The following GLIS3 variants were observed in gnomAD, a reference collection of about 807,000 sequenced individuals.
GLIS3 encodes GLIS family zinc finger 3.
GLIS3 carries 53 observed loss-of-function variants against 78.6 expected under a neutral mutation model. That is an observed-to-expected ratio of 0.67 (90% CI 0.54 to 0.85). GLIS3 has a LOEUF of 0.85. Among genes scored for constraint, GLIS3 ranks in the 40% least tolerant of loss-of-function variants. GLIS3 has a pLI of 0.00. For missense variants in GLIS3, 1,703 were observed against 1,231.1 expected, an observed-to-expected ratio of 1.38 and a Z score of -5.74; for synonymous variants, 684 against 509.9, an observed-to-expected ratio of 1.34 and a Z score of -4.60.
the GLIS3 span, among the ~76,000 whole-genome samples, chr9:4,465,354 C>A: frequency 2.0e-5 from 3 of 152,218 alleles, no homozygotes; most frequent in African/African-American, 7.2e-5. Flanking sequence ...TCGAGACCAG[C>A]CTGGCCAACG....
intron 2 of GLIS3, among the ~76,000 whole-genome samples, chr9:4,250,072 G>C (rs201525794): frequency 6.6e-6 from 1 of 152,086 alleles, no homozygotes; most frequent in South Asian, 2.1e-4. Flanking sequence ...ATATTGGCCC[G>C]AAATTTTCTT....
chr9:4,355,139 AAAAG>A, the GLIS3 span, among the ~76,000 whole-genome samples: 439 of 131,334 alleles, frequency 3.3e-3, no homozygotes, highest in Non-Finnish European at 6.0e-3. Flanking sequence ...CTCGAAAAAA[AAAAG>A]AAAAAGAAAA....
intron 2 of GLIS3, among the ~76,000 whole-genome samples, chr9:4,192,735 A>G (rs929825393): frequency 1.8e-4 from 28 of 152,126 alleles, no homozygotes; most frequent in African/African-American, 6.3e-4. Context: ...ATAGAACGAG[A>G]CATGGTTGTT....
At chr9:4,399,392 G>GA in the GLIS3 span, among the ~76,000 whole-genome samples, 3 of 152,168 alleles carry the variant, frequency 2.0e-5, no homozygotes, top group African/African-American at 7.2e-5. Context: ...TCATTAAACT[G>GA]ATTCTCTTAC....
chr9:4,007,876 C>T (rs1016337983), intron 4 of GLIS3, among the ~76,000 whole-genome samples: 2 of 6,608 alleles, frequency 3.0e-4, no homozygotes, highest in African/African-American at 1.2e-3. Context: ...CATGGCAGGT[C>T]GGGCGGGGGT....
the GLIS3 span, among the ~76,000 whole-genome samples, chr9:4,384,450 G>C: frequency 2.0e-5 from 3 of 151,880 alleles, no homozygotes; most frequent in Admixed American, 6.6e-5. Context: ...ATGGTTGATT[G>C]TTTGCCAATG....
At chr9:3,830,636 C>G (rs1232941320) in intron 9 of GLIS3, among the ~76,000 whole-genome samples, 6 of 152,126 alleles carry the variant, frequency 3.9e-5, no homozygotes, top group Non-Finnish European at 8.8e-5. Flanking sequence ...AGGAAGTACC[C>G]CAGGATTTCT....
intron 4 of GLIS3, among the ~76,000 whole-genome samples, chr9:3,939,595 A>C (rs774501390): frequency 6.6e-6 from 1 of 152,222 alleles, no homozygotes; most frequent in Non-Finnish European, 1.5e-5. Flanking sequence ...AGGCACCTAG[A>C]CTGAAAATGA....
chr9:4,139,789 G>T lies in GLIS3; in HGVS notation c.389-13848C>A, dbSNP rs140601462. Among the ~76,000 whole-genome samples the T allele has an allele frequency of 3.2e-4, 49 of 152,218 alleles. 1 individual carries two copies. The East Asian group carries it at 8.5e-3, about 26-fold the overall frequency. On this transcript the variant is annotated intron_variant, in intron 2 of 10. Transcript: ENST00000381971. Reference sequence around the variant, plus strand: ...TCCCTCACTTGCACAGTTCACTATGGGGTTTCTGCCTCTATGAGAATCTAA... The same window carrying T: ...TCCCTCACTTGCACAGTTCACTATGTGGTTTCTGCCTCTATGAGAATCTAA...
chr9:4,265,647 C>T (rs1165310783), intron 2 of GLIS3, among the ~76,000 whole-genome samples: 1 of 152,116 alleles, frequency 6.6e-6, no homozygotes, highest in Non-Finnish European at 1.5e-5. Context: ...ACTCTTTTAT[C>T]CAAATATAGT....
intron 4 of GLIS3, among the ~76,000 whole-genome samples, chr9:4,076,778 T>C (rs1257397105): frequency 6.6e-6 from 1 of 152,192 alleles, no homozygotes; most frequent in Non-Finnish European, 1.5e-5. Context: ...ATTTTTTGGC[T>C]GGGCACAGGG....
the GLIS3 span, among the ~76,000 whole-genome samples, chr9:4,429,334 T>C: frequency 9.9e-5 from 15 of 151,306 alleles, no homozygotes; most frequent in Non-Finnish European, 1.9e-4. Flanking sequence ...AACTCTCCCT[T>C]ATTCCCCCTT....
chr9:4,329,137 T>C (rs369736377), intron 2 of GLIS3, among the ~76,000 whole-genome samples: 1 of 152,314 alleles, frequency 6.6e-6, no homozygotes, highest in East Asian at 1.9e-4. Context: ...GGCAGCTGTG[T>C]GAGATCGAAG....
At chr9:4,075,947 G>A (rs1489553291) in intron 4 of GLIS3, among the ~76,000 whole-genome samples, 2 of 152,120 alleles carry the variant, frequency 1.3e-5, no homozygotes, top group Non-Finnish European at 1.5e-5. Flanking sequence ...GGCTCCTTAG[G>A]CCCAGAGCCA....
intron 2 of GLIS3, among the ~76,000 whole-genome samples, chr9:4,266,106 G>A (rs1192150481): frequency 6.6e-6 from 1 of 151,888 alleles, no homozygotes; most frequent in Admixed American, 6.6e-5. Flanking sequence ...TTTTAGTAGA[G>A]ACAAGGTTTC....
intron 2 of GLIS3, among the ~76,000 whole-genome samples, chr9:4,329,411 T>A (rs1368539087): frequency 6.6e-6 from 1 of 152,042 alleles, no homozygotes; most frequent in Non-Finnish European, 1.5e-5. Context: ...AAAAAAAAGA[T>A]ACCTCCAAAT....
the GLIS3 span, among the ~76,000 whole-genome samples, chr9:4,439,090 G>A: frequency 1.2e-4 from 19 of 152,162 alleles, no homozygotes; most frequent in Admixed American, 3.3e-4. Context: ...TCTTCAACAC[G>A]CTTTCATGTT....
At chr9:4,410,570 G>C in the GLIS3 span, among the ~76,000 whole-genome samples, 1 of 152,194 alleles carries the variant, frequency 6.6e-6, no homozygotes, top group African/African-American at 2.4e-5. Context: ...AAAGAGGTCA[G>C]ATGGTTGTAC....
chr9:3,864,520 G>A (rs1251037644), intron 8 of GLIS3, among the ~76,000 whole-genome samples: 1 of 152,166 alleles, frequency 6.6e-6, no homozygotes, highest in South Asian at 2.1e-4. Context: ...TTTAAACGCA[G>A]TACTCCTGCC....
Sources: allele counts gnomAD v4.1 joint callset (sites outside exome capture counted in the v4.1 genomes callset), GRCh38; gene constraint gnomAD v4.1.1; transcripts MANE v1.5; gene names NCBI Gene and HGNC (gene_info 2026-07-23, HGNC 2026-07-21).